Variants in MACROD2 observed in about 807,000 individuals in gnomAD.
The protein encoded by MACROD2 is mono-ADP ribosylhydrolase 2, also known as ADP-ribose glycohydrolase MACROD2.
Under a neutral mutation model 70.4 loss-of-function variants are expected in MACROD2, and 36 were observed. That is an observed-to-expected ratio of 0.51 (90% CI 0.39 to 0.68). The LOEUF is 0.68. MACROD2 is among the 30% of genes least tolerant of loss of function. The pLI, the probability that MACROD2 is intolerant of heterozygous loss-of-function variation, is 0.00. For synonymous variants in MACROD2, 172 were observed against 178.8 expected (o/e 0.96, Z 0.30); for missense variants, 496 against 538.4 (o/e 0.92, Z 0.78).
chr20:14,504,182 C>A (rs551848462), intron 4 of MACROD2, among the ~76,000 whole-genome samples: 1 of 152,202 alleles, frequency 6.6e-6, no homozygotes, highest in Non-Finnish European at 1.5e-5. Context: ...AGGCACCTAC[C>A]AACTAGCTGT....
chr20:15,168,441 ATGTGTGTGTGTGTGTGTG>A (rs56188346), intron 5 of MACROD2, among the ~76,000 whole-genome samples: 70 of 134,726 alleles, frequency 5.2e-4, no homozygotes, highest in South Asian at 7.9e-4. Context: ...ACATTGTGGG[ATGTGTGTGTGTGTGTGTG>A]TGTGTGTGTG....
intron 8 of MACROD2, among the ~76,000 whole-genome samples, chr20:15,522,116 G>A (rs759936611): frequency 3.9e-5 from 6 of 152,152 alleles, no homozygotes; most frequent in Admixed American, 6.5e-5. Flanking sequence ...CAGGACTAGG[G>A]TGAGGTAATC....
chr20:15,816,307 C>A (rs1311629363), intron 8 of MACROD2, among the ~76,000 whole-genome samples: 1 of 152,018 alleles, frequency 6.6e-6, no homozygotes, highest in Non-Finnish European at 1.5e-5. Context: ...ACATAGCCTG[C>A]AATGACTTTT....
intron 4 of MACROD2, among the ~76,000 whole-genome samples, chr20:14,619,078 T>C (rs1983648943): frequency 6.6e-6 from 1 of 152,032 alleles, no homozygotes; most frequent in South Asian, 2.1e-4. Flanking sequence ...ATCCAAGGGA[T>C]TGGAAAAAGC....
In MACROD2 at chr20:15,558,709, C is replaced by T. The variant is rs560166192; in HGVS notation, c.645+58862C>T. ...ATAACTCTTCCTCCCATTGGCTGAG[C>T]TCAAGAAGTGTTGGTTAGGAAAGAA... On this transcript the variant is annotated intron_variant, in intron 8 of 17. Coordinates refer to ENST00000684519, the MANE Select transcript of MACROD2 (RefSeq NM_001351661.2). Among the ~76,000 whole-genome samples, 13 of 152,314 alleles carry T rather than the reference C, an allele frequency of 8.5e-5. No homozygotes were observed. The East Asian group carries it at 2.5e-3, about 29-fold the overall frequency.
intron 10 of MACROD2, among the ~76,000 whole-genome samples, chr20:15,914,416 A>G (rs2065282136): frequency 6.6e-6 from 1 of 152,226 alleles, no homozygotes; most frequent in African/African-American, 2.4e-5. Context: ...CAGTTGGGCC[A>G]GGTTTAAACC....
intron 6 of MACROD2, among the ~76,000 whole-genome samples, chr20:15,392,840 A>G (rs1005392980): frequency 6.6e-6 from 1 of 151,712 alleles, no homozygotes; most frequent in African/African-American, 2.4e-5. Flanking sequence ...AGTAAATAGT[A>G]TTAGAAAAAT....
At chr20:14,237,248 G>T (rs969839415) in intron 3 of MACROD2, among the ~76,000 whole-genome samples, 5 of 151,670 alleles carry the variant, frequency 3.3e-5, no homozygotes, top group Non-Finnish European at 7.4e-5. Flanking sequence ...AATACCTGTC[G>T]ATTTATGTGT....
intron 3 of MACROD2, among the ~76,000 whole-genome samples, chr20:14,304,041 T>C (rs79787962): frequency 0.015 from 2,293 of 152,324 alleles, 24 homozygotes; most frequent in African/African-American, 0.027. Context: ...TGTACCACTT[T>C]ATTTCCATGA....
chr20:14,536,027 C>T (rs1487685991), intron 4 of MACROD2, among the ~76,000 whole-genome samples: 1 of 151,550 alleles, frequency 6.6e-6, no homozygotes, highest in East Asian at 1.9e-4. Flanking sequence ...CATGGTTTGA[C>T]AAAAAAATAA....
chr20:15,457,058 T>C (rs373640678), intron 7 of MACROD2, among the ~76,000 whole-genome samples: 118 of 9,064 alleles, frequency 0.013, 2 homozygotes, highest in African/African-American at 0.03. Flanking sequence ...CTTTCTTCTT[T>C]TTTTTTTTTT....
intron 4 of MACROD2, among the ~76,000 whole-genome samples, chr20:14,651,430 C>T (rs1308693256): frequency 6.6e-6 from 1 of 152,142 alleles, no homozygotes; most frequent in Non-Finnish European, 1.5e-5. Flanking sequence ...GACTGGGCTG[C>T]ACATCCTGGC....
chr20:15,137,060 CAG>C (rs2076153919), intron 5 of MACROD2, among the ~76,000 whole-genome samples: 1 of 149,024 alleles, frequency 6.7e-6, no homozygotes, highest in Non-Finnish European at 1.5e-5. Flanking sequence ...CAGGAAACAA[CAG>C]GTGCTGGAGA....
intron 8 of MACROD2, among the ~76,000 whole-genome samples, chr20:15,732,348 C>T (rs963269606): frequency 3.9e-5 from 6 of 152,230 alleles, no homozygotes; most frequent in Admixed American, 3.9e-4. Context: ...GGTCACAGAG[C>T]CACAATGACT....
Position 14,326,847 on chromosome 20 carries a change from A to G in MACROD2, c.272-166632A>G. 6.2e-7 allele frequency: 1 copy of G among 1,613,682 alleles called. No individual in the cohort carries two copies. Among genetic ancestry groups the G allele is most frequent in the Non-Finnish European group, 8.5e-7 (1 of 1,179,762 alleles). The stretch of plus-strand genomic sequence containing the variant: ...CTGTCAAATTAACTAGGTTGAAGAA[A>G]ACTTTGTCACCTAAACCATGATTGT... On this transcript the variant is annotated intron_variant, in intron 3 of 17. Coordinates refer to ENST00000684519, the MANE Select transcript of MACROD2 (RefSeq NM_001351661.2). The surrounding 1 kb of genome is among the most constrained non-coding windows in gnomAD (Gnocchi z 5.5).
At chr20:14,316,460 A>G (rs1204415774) in intron 3 of MACROD2, among the ~76,000 whole-genome samples, 1 of 152,212 alleles carries the variant, frequency 6.6e-6, no homozygotes, top group East Asian at 1.9e-4. Context: ...GTTTAAGACA[A>G]GCTTGTCCAA....
At chr20:14,670,506 A>G (rs981779486) in intron 4 of MACROD2, among the ~76,000 whole-genome samples, 3 of 152,104 alleles carry the variant, frequency 2.0e-5, no homozygotes, top group African/African-American at 7.2e-5. Flanking sequence ...TTGTCTTTAC[A>G]ATGTTTCGTC....
At chr20:15,192,695 C>T (rs1200905804) in intron 5 of MACROD2, among the ~76,000 whole-genome samples, 1 of 149,548 alleles carries the variant, frequency 6.7e-6, no homozygotes, top group Non-Finnish European at 1.5e-5. Context: ...GACACTGACA[C>T]TTAATTATGT....
chr20:15,315,967 A>G (rs2077805514), intron 6 of MACROD2, among the ~76,000 whole-genome samples: 1 of 152,124 alleles, frequency 6.6e-6, no homozygotes, highest in African/African-American at 2.4e-5. Flanking sequence ...TTATCTATTG[A>G]AGCTAAATTG....
Sources: gnomAD v4.1 joint callset for allele counts (sites outside exome capture counted in the v4.1 genomes callset) on GRCh38, gnomAD v4.1.1 for gene constraint, Gnocchi (gnomAD v3.1) non-coding constraint, MANE v1.5 for transcripts, NCBI Gene and HGNC (gene_info 2026-07-23, HGNC 2026-07-21) for gene names.